AP1G1: variants seen among roughly 807,000 people sequenced by gnomAD.
AP1G1 encodes AP-1 complex subunit gamma-1.
Under a neutral mutation model 108.3 loss-of-function variants are expected in AP1G1, and 7 were observed. The ratio of observed to expected loss-of-function variants is 0.06; its 90% CI spans 0.04 to 0.12. The LOEUF (loss-of-function observed/expected upper bound fraction) is 0.12, where lower values mean the gene tolerates loss of function less well. Ranked by LOEUF, AP1G1 falls within the 10% of genes least tolerant of loss-of-function variation. The pLI, the probability that AP1G1 is intolerant of heterozygous loss-of-function variation, is 1.00. For synonymous variants in AP1G1, 379 were observed against 353.5 expected (o/e 1.07, Z -0.81); for missense variants, 756 against 1,010.7 (o/e 0.75, Z 3.42).
chr16:71,800,178 C>T (rs1391505620), intron 1 of AP1G1, among the ~76,000 whole-genome samples: 1 of 145,324 alleles, frequency 6.9e-6, no homozygotes, highest in African/African-American at 2.6e-5. Context: ...TCCTGGTTAA[C>T]ATGGTGAAAC....
At position 71,730,776 on chromosome 16, in the gene AP1G1, CATG is replaced by C. The variant is rs1337541927; in HGVS notation, c.*2279_*2281del. On this transcript the variant is annotated 3_prime_UTR_variant, in exon 23 of 23. Transcript: ENST00000299980. ...TACGCAGCACCCTTTGTGTTAAGGC[CATG>C]ATATTTTACTCCTTCTAGACAAAGC... 3 of 152,588 alleles carry C rather than the reference CATG, an allele frequency of 2.0e-5. No individual in the cohort carries two copies. The highest frequency in any genetic ancestry group is 6.5e-5 in the Admixed American group (1 of 15,284). 9.5% of individuals were successfully genotyped at this position (152,588 alleles called of 1,614,324 possible). A position where few individuals can be genotyped will look rare whatever the true frequency, so the allele number is the denominator to read the frequency against.
At chr16:71,803,373 C>G (rs1382232658) in intron 1 of AP1G1, among the ~76,000 whole-genome samples, 1 of 152,066 alleles carries the variant, frequency 6.6e-6, no homozygotes, top group Admixed American at 6.6e-5. Flanking sequence ...CTCCAATGGT[C>G]TGAGTAGGCT....
intron 2 of AP1G1, among the ~76,000 whole-genome samples, chr16:71,777,118 A>C (rs2031811555): frequency 6.7e-6 from 1 of 148,698 alleles, no homozygotes; most frequent in South Asian, 2.1e-4. Context: ...AAAAAAAAAA[A>C]AAAAAAAAAA....
In AP1G1 at chr16:71,732,076, G is replaced by A. The variant is rs1276323136; in HGVS notation, c.*982C>T. On this transcript the variant is annotated 3_prime_UTR_variant, in exon 23 of 23. Transcript: ENST00000299980. ...CAAAGGTACTTTTGATACAGAGTCT[G>A]ATCTTTGAAACTGGTGAACTCCTCT... 1 of 152,302 alleles carries A rather than the reference G, an allele frequency of 6.6e-6. No homozygotes were observed. Among genetic ancestry groups the A allele is most frequent in the Non-Finnish European group, 1.5e-5 (1 of 68,044 alleles). The allele number at this position is 152,302 out of a possible 1,614,324, so 9.4% of individuals were successfully genotyped here. A position where few individuals can be genotyped will look rare whatever the true frequency, so the allele number is the denominator to read the frequency against.
intron 19 of AP1G1, among the ~76,000 whole-genome samples, chr16:71,741,704 T>C (rs185024393): frequency 6.6e-6 from 1 of 152,304 alleles, no homozygotes; most frequent in East Asian, 1.9e-4. Flanking sequence ...CAGCAGATTA[T>C]CAATGAAGCA....
intron 16 of AP1G1, among the ~76,000 whole-genome samples, chr16:71,747,798 C>T (rs1597042578): frequency 1.3e-5 from 2 of 151,678 alleles, no homozygotes; most frequent in African/African-American, 2.4e-5. Flanking sequence ...CCTGGGCAAA[C>T]AAACGAAACA....
chr16:71,745,287 C>T lies in AP1G1; in HGVS notation c.1873-17G>A, dbSNP rs555279450. On this transcript the variant is annotated splice_polypyrimidine_tract_variant and intron_variant, in intron 18 of 22. Coordinates refer to ENST00000299980, the MANE Select transcript of AP1G1 (RefSeq NM_001128.6). ...ATCATTGGCCTAAACAAGGTAACAA[C>T]ACCTCAATTCATTATTATTTGATTT... 1.2e-5 allele frequency: 20 copies of T among 1,613,526 alleles called. No homozygotes were observed. The highest frequency in any genetic ancestry group is 1.7e-5 in the Non-Finnish European group (20 of 1,179,828).
chr16:71,747,942 C>T (rs1175386874), intron 16 of AP1G1, among the ~76,000 whole-genome samples: 1 of 152,206 alleles, frequency 6.6e-6, no homozygotes, highest in African/African-American at 2.4e-5. Flanking sequence ...ATGATGGCGC[C>T]ACTGCACCCC....
intron 11 of AP1G1, chr16:71,758,253 C>G (rs1335329063): frequency 5.7e-6 from 2 of 349,518 alleles, no homozygotes; most frequent in East Asian, 7.7e-5. Context: ...ATCTAGAGTT[C>G]TAAGAAGACA....
At chr16:71,741,311 G>A (rs962020413) in intron 19 of AP1G1, among the ~76,000 whole-genome samples, 8 of 152,272 alleles carry the variant, frequency 5.3e-5, no homozygotes, top group East Asian at 1.9e-4. Context: ...GGCTGGGCGC[G>A]ATGGCTCATG....
At position 71,787,117 on chromosome 16, in the gene AP1G1, G is replaced by A. The variant is rs532981404; in HGVS notation, c.201+2162C>T. 1.3e-4 allele frequency among the ~76,000 whole-genome samples: 19 copies of A among 151,342 alleles called. 1 individual carries two copies. The highest frequency in any genetic ancestry group is 2.4e-4 in the African/African-American group (10 of 41,190). On this transcript the variant is annotated intron_variant, in intron 2 of 22. Coordinates refer to ENST00000299980, the MANE Select transcript of AP1G1 (RefSeq NM_001128.6). The stretch of plus-strand genomic sequence containing the variant: ...AGACAGATAACGAGGTCAGGAATTC[G>A]AGACCAGCCTGGCCAATATGGTAAC...
intron 2 of AP1G1, among the ~76,000 whole-genome samples, chr16:71,775,356 G>A (rs2145493166): frequency 6.6e-6 from 1 of 152,208 alleles, no homozygotes; most frequent in Non-Finnish European, 1.5e-5. Context: ...TTTTTAGAAG[G>A]CAAAGATTTA....
chr16:71,746,614 T>C lies in AP1G1; in HGVS notation c.1704A>G (p.Ala568=). ...TCATGTGGTCATATTTCTTGAAAAG[T>C]GCATTATATTCTACTGCCCTCTGCT... ...ELQQRAVEYN[A]LFKKYDHMRS... The change falls in exon 17 of 23, where the codon GCA becomes GCG. Residue 568 remains alanine (A), a synonymous_variant. Coordinates refer to ENST00000299980, the MANE Select transcript of AP1G1 (RefSeq NM_001128.6). The C allele has an allele frequency of 6.2e-7, 1 of 1,611,952 alleles. No homozygotes were observed.
intron 1 of AP1G1, among the ~76,000 whole-genome samples, chr16:71,800,498 A>G (rs2032754262): frequency 6.6e-6 from 1 of 151,430 alleles, no homozygotes. Flanking sequence ...CCTGACCAAC[A>G]TGGAGAAACC....
chr16:71,746,713 G>A lies in AP1G1; in HGVS notation c.1626-21C>T, dbSNP rs1217317786. The A allele has an allele frequency of 6.4e-6, 10 of 1,552,452 alleles. No homozygotes were observed. In the East Asian group the frequency reaches 1.1e-4, roughly 17 times the overall value. Reference sequence around the variant, plus strand: ...TTCGGCTATAGATAAAATGACAAACGAAATAAAATACCCAAAAGAAAATTC... The same window carrying A: ...TTCGGCTATAGATAAAATGACAAACAAAATAAAATACCCAAAAGAAAATTC... On this transcript the variant is annotated intron_variant, in intron 16 of 22. Transcript: ENST00000299980.
intron 13 of AP1G1, among the ~76,000 whole-genome samples, chr16:71,752,600 T>C (rs2030563164): frequency 6.6e-6 from 1 of 152,166 alleles, no homozygotes. Context: ...GATGAATACT[T>C]TTACATACAC....
At chr16:71,745,109 T>C in intron 19 of AP1G1, 35 bp downstream of exon 19, 1 of 1,609,722 alleles carries the variant, frequency 6.2e-7, no homozygotes, top group African/African-American at 1.3e-5. Flanking sequence ...GCCTCTATCT[T>C]TTCCCAGGTA....
intron 1 of AP1G1, among the ~76,000 whole-genome samples, chr16:71,794,418 A>T (rs2032507734): frequency 6.6e-6 from 1 of 152,194 alleles, no homozygotes; most frequent in African/African-American, 2.4e-5. Flanking sequence ...CATCTCTTAA[A>T]ACAAGGATGG....
chr16:71,746,879 A>C (rs1445511106), intron 16 of AP1G1, 187 bp from the exon 17 acceptor site: 1 of 465,506 alleles, frequency 2.1e-6, no homozygotes, highest in African/African-American at 2.0e-5. Flanking sequence ...GCATTATACT[A>C]TTCTCATTGT....
Sources: gnomAD v4.1 joint callset for allele counts (sites outside exome capture counted in the v4.1 genomes callset) on GRCh38, gnomAD v4.1.1 for gene constraint, MANE v1.5 for transcripts, NCBI Gene and HGNC (gene_info 2026-07-23, HGNC 2026-07-21) for gene names.